Variants in APBB2 observed in about 807,000 individuals in gnomAD.
APBB2 encodes amyloid beta precursor protein binding family B member 2, also known as Fe65-like 1.
A neutral mutation model predicts 82.5 loss-of-function variants in APBB2; 38 were observed. The ratio of observed to expected loss-of-function variants is 0.46; its 90% CI spans 0.36 to 0.60. APBB2 has a LOEUF of 0.60. Ranked by LOEUF, APBB2 falls within the 20% of genes least tolerant of loss-of-function variation. The probability of loss-of-function intolerance (pLI) is 0.00; values close to 1 mark genes in which losing one functional copy is unlikely to be tolerated. For missense variants in APBB2, 772 were observed against 972.3 expected (o/e 0.79, Z 2.74); for synonymous variants, 341 against 368.2 (o/e 0.93, Z 0.85).
At chr4:41,100,190 C>T (rs1744877239) in intron 3 of APBB2, among the ~76,000 whole-genome samples, 1 of 152,158 alleles carries the variant, frequency 6.6e-6, no homozygotes, top group African/African-American at 2.4e-5. Context: ...CCACATTTTG[C>T]TTTCCTTTCC....
intron 1 of APBB2, among the ~76,000 whole-genome samples, chr4:41,152,970 A>C (rs1762642197): frequency 6.6e-6 from 1 of 152,220 alleles, no homozygotes; most frequent in East Asian, 1.9e-4. Flanking sequence ...TTTGGATTTC[A>C]GACATTTTCA....
chr4:41,072,039 A>G (rs77737100), intron 3 of APBB2, among the ~76,000 whole-genome samples: 1 of 152,178 alleles, frequency 6.6e-6, no homozygotes, highest in Non-Finnish European at 1.5e-5. Context: ...ACAGGGTGCA[A>G]TGAGAATCAA....
At chr4:41,164,262 G>A (rs1765922032) in intron 1 of APBB2, among the ~76,000 whole-genome samples, 1 of 152,146 alleles carries the variant, frequency 6.6e-6, no homozygotes, top group African/African-American at 2.4e-5. Context: ...CCCTCTTGCG[G>A]CATCACAATG....
rs546325204 is a variant in APBB2, at chr4:41,031,353, T to A, written c.19+1883A>T. On this transcript the variant is annotated intron_variant, in intron 5 of 17. Transcript: ENST00000508593. ...AGGCAAACCTTACCCCACTTATTAGTCAAGACCCTCTCTCATCAGTCGCCA... is the reference window on the plus strand; with the variant it reads ...AGGCAAACCTTACCCCACTTATTAGACAAGACCCTCTCTCATCAGTCGCCA... Among the ~76,000 whole-genome samples, 5 of 152,308 alleles carry A rather than the reference T, an allele frequency of 3.3e-5. No individual in the cohort carries two copies. The South Asian group carries it at 8.3e-4, about 25-fold the overall frequency.
intron 10 of APBB2, among the ~76,000 whole-genome samples, chr4:40,921,786 G>A (rs911911044): frequency 1.6e-4 from 24 of 152,166 alleles, no homozygotes; most frequent in Admixed American, 1.2e-3. Context: ...ACATGCTTTC[G>A]GCTCTGGGTT....
chr4:40,854,855 G>A (rs968766783), intron 12 of APBB2, among the ~76,000 whole-genome samples: 7 of 151,682 alleles, frequency 4.6e-5, no homozygotes, highest in African/African-American at 9.7e-5. Flanking sequence ...TGTCCAAGAG[G>A]AAAGCTGTAT....
intron 2 of APBB2, among the ~76,000 whole-genome samples, chr4:41,101,747 CAGG>C (rs1745534161): frequency 6.6e-6 from 1 of 151,942 alleles, no homozygotes; most frequent in South Asian, 2.1e-4. Flanking sequence ...ATCACGACGT[CAGG>C]AGTTCAAGAC....
chr4:40,845,833 C>T (rs1186318597), intron 12 of APBB2, among the ~76,000 whole-genome samples: 1 of 152,070 alleles, frequency 6.6e-6, no homozygotes, highest in Non-Finnish European at 1.5e-5. Context: ...CATCACTGGC[C>T]ATCTCTCTAG....
chr4:41,112,804 A>G (rs933430241), intron 2 of APBB2, among the ~76,000 whole-genome samples: 3 of 152,116 alleles, frequency 2.0e-5, no homozygotes, highest in Non-Finnish European at 4.4e-5. Context: ...CCTGACCAAC[A>G]TGGTGAAACC....
chr4:40,918,717 CCTT>C (rs1292058547), intron 10 of APBB2, among the ~76,000 whole-genome samples: 8 of 149,408 alleles, frequency 5.4e-5, no homozygotes, highest in Admixed American at 2.0e-4. Context: ...TTCCTTCCTT[CCTT>C]CCTCCCTCCC....
intron 12 of APBB2, chr4:40,842,364 G>T (rs1337044320): frequency 6.6e-6 from 3 of 455,292 alleles, no homozygotes; most frequent in Admixed American, 2.4e-5. Flanking sequence ...AAAATCGGCC[G>T]GTTACCTCTC....
At chr4:41,130,368 A>T (rs1755628469) in intron 2 of APBB2, among the ~76,000 whole-genome samples, 1 of 152,114 alleles carries the variant, frequency 6.6e-6, no homozygotes, top group Admixed American at 6.5e-5. Context: ...TTCAGCGTAG[A>T]TCCATTGCTG....
intron 3 of APBB2, among the ~76,000 whole-genome samples, chr4:41,099,444 T>G (rs1259634265): frequency 1.3e-5 from 2 of 152,166 alleles, no homozygotes; most frequent in Non-Finnish European, 2.9e-5. Context: ...TTGGTCAGGC[T>G]GGTCTCGAAT....
chr4:40,947,754 A>T (rs2154382102), intron 6 of APBB2, among the ~76,000 whole-genome samples: 1 of 152,360 alleles, frequency 6.6e-6, no homozygotes, highest in East Asian at 1.9e-4. Flanking sequence ...CATTGGTTTA[A>T]GGGATTTAAG....
At chr4:40,990,869 G>T (rs886613731) in intron 6 of APBB2, among the ~76,000 whole-genome samples, 8 of 152,120 alleles carry the variant, frequency 5.3e-5, no homozygotes, top group Non-Finnish European at 1.0e-4. Context: ...GCTCATGAAG[G>T]TGTAAATTGG....
chr4:40,846,058 C>T (rs556863024), intron 12 of APBB2, among the ~76,000 whole-genome samples: 2 of 151,398 alleles, frequency 1.3e-5, no homozygotes, highest in Middle Eastern at 3.4e-3. Context: ...CATTTATCAG[C>T]TGTCTGCCCT....
chr4:40,878,585 C>T (rs944453302), intron 12 of APBB2, among the ~76,000 whole-genome samples: 5 of 152,126 alleles, frequency 3.3e-5, no homozygotes, highest in African/African-American at 4.8e-5. Context: ...CATCCTCTCC[C>T]GCCTCAGGAC....
intron 7 of APBB2, among the ~76,000 whole-genome samples, chr4:40,940,820 T>G (rs13103632): frequency 0.23 from 34,594 of 152,224 alleles, 4,645 homozygotes; most frequent in East Asian, 0.52. Context: ...CCAATGGATA[T>G]TCATAAAAAT....
At chr4:40,937,216 T>C (rs1785588639) in intron 7 of APBB2, among the ~76,000 whole-genome samples, 1 of 152,136 alleles carries the variant, frequency 6.6e-6, no homozygotes, top group Admixed American at 6.5e-5. Flanking sequence ...GAGAAATTTA[T>C]AAAGAAACAA....
Sources: gnomAD v4.1 joint callset for allele counts (sites outside exome capture counted in the v4.1 genomes callset) on GRCh38, gnomAD v4.1.1 for gene constraint, MANE v1.5 for transcripts, NCBI Gene and HGNC (gene_info 2026-07-23, HGNC 2026-07-21) for gene names.